The following FBXO8 variants were observed in gnomAD, a reference collection of about 807,000 sequenced individuals.
FBXO8 encodes F-box protein 8.
Under a neutral mutation model 33.4 loss-of-function variants are expected in FBXO8, and 15 were observed. The ratio of observed to expected loss-of-function variants is 0.45; its 90% confidence interval spans 0.30 to 0.69. FBXO8 has a LOEUF of 0.69. Among genes scored for constraint, FBXO8 ranks in the 30% least tolerant of loss-of-function variants. FBXO8 has a pLI of 0.08. For synonymous variants in FBXO8, 132 were observed against 131.5 expected (o/e 1.00, Z -0.02); for missense variants, 274 against 380.3 (o/e 0.72, Z 2.32).
In FBXO8 at chr4:174,251,083, A is replaced by G. The variant is rs1183155067; in HGVS notation, c.456+8616T>C. Among the ~76,000 whole-genome samples the G allele has an allele frequency of 6.6e-6, 1 of 152,210 alleles. No homozygotes were observed. Among genetic ancestry groups the G allele is most frequent in the African/African-American group, 2.4e-5 (1 of 41,454 alleles). ...AGTTACAATTACTTAAATTGCTAAC[A>G]AAAGTAAAATTCAAATAAAAAATTG... On this transcript the variant is annotated intron_variant, in intron 3 of 5. Coordinates refer to ENST00000393674, the MANE Select transcript of FBXO8 (RefSeq NM_012180.3). This position sits in a 1 kb window ranked among gnomAD's most constrained non-coding sequence, Gnocchi z 4.2.
Position 174,279,217 on chromosome 4 carries a change from T to C in FBXO8, c.-9+4193A>G, listed in dbSNP as rs192491690. Among the ~76,000 whole-genome samples, 5 of 152,184 alleles carry C rather than the reference T, an allele frequency of 3.3e-5. No individual in the cohort carries two copies. The East Asian group carries it at 7.7e-4, about 23-fold the overall frequency. On this transcript the variant is annotated intron_variant, in intron 1 of 5. Coordinates refer to ENST00000393674, the MANE Select transcript of FBXO8 (RefSeq NM_012180.3). The stretch of plus-strand genomic sequence containing the variant: ...GACACAGAAATAAGTCGTATTTCTA[T>C]ACATTTACAATAAACAATCTGAAAA...
At position 174,274,476 on chromosome 4, in the gene FBXO8, T is replaced by C. The variant is rs1736908147; in HGVS notation, c.-9+8934A>G. On this transcript the variant is annotated intron_variant, in intron 1 of 5. Transcript: ENST00000393674. The surrounding 1 kb of genome is among the most constrained non-coding windows in gnomAD (Gnocchi z 4.0). ...GATAACTGTGGATTAATTACCTGAG[T>C]AGTCATAATCCTGGTCCTGAATTTC... 6.6e-6 allele frequency among the ~76,000 whole-genome samples: 1 copy of C among 152,218 alleles called. No homozygotes were observed. The highest frequency in any genetic ancestry group is 1.5e-5 in the Non-Finnish European group (1 of 68,034).
At chr4:174,246,066 T>C (rs954088020) in intron 3 of FBXO8, among the ~76,000 whole-genome samples, 2 of 151,976 alleles carry the variant, frequency 1.3e-5, no homozygotes, top group South Asian at 2.1e-4. Context: ...GTTGAAGATA[T>C]AGATTCAGGA....
chr4:174,281,529 A>T lies in FBXO8; in HGVS notation c.-9+1881T>A, dbSNP rs1016997308. On this transcript the variant is annotated intron_variant, in intron 1 of 5. Transcript: ENST00000393674. This position sits in a 1 kb window ranked among gnomAD's most constrained non-coding sequence, Gnocchi z 4.6. ...CTGGGCAGCACAGTCAGACAAAAAA[A>T]TTAAAAGAAATAACCACACGTGATG... 6.6e-6 allele frequency among the ~76,000 whole-genome samples: 1 copy of T among 152,096 alleles called. No homozygotes were observed. The highest frequency in any genetic ancestry group is 2.4e-5 in the African/African-American group (1 of 41,394).
chr4:174,241,012 C>T lies in FBXO8; in HGVS notation c.575+88G>A. On this transcript the variant is annotated intron_variant, in intron 4 of 5. Coordinates refer to ENST00000393674, the MANE Select transcript of FBXO8 (RefSeq NM_012180.3). The surrounding 1 kb of genome is among the most constrained non-coding windows in gnomAD (Gnocchi z 4.2). ...ATTCAATTTTGCAACCAGATGATTA[C>T]TATGCAGTATTAGTTTTAAAGTAAA... 6 of 680,710 alleles carry T rather than the reference C, an allele frequency of 8.8e-6. No individual in the cohort carries two copies. The Admixed American group carries it at 1.7e-4, about 19-fold the overall frequency. The allele number at this position is 680,710 out of a possible 1,614,324, so 42.2% of individuals were successfully genotyped here. A position where few individuals can be genotyped will look rare whatever the true frequency, so the allele number is the denominator to read the frequency against.
At chr4:174,258,126 T>A (rs891271538) in intron 3 of FBXO8, among the ~76,000 whole-genome samples, 1 of 152,252 alleles carries the variant, frequency 6.6e-6, no homozygotes, top group African/African-American at 2.4e-5. Flanking sequence ...AATAATAAAG[T>A]CTCTATAACT....
Position 174,253,999 on chromosome 4 carries a change from G to A in FBXO8, c.456+5700C>T, listed in dbSNP as rs966283768. 1.3e-5 allele frequency among the ~76,000 whole-genome samples: 2 copies of A among 152,128 alleles called. No homozygotes were observed. The highest frequency in any genetic ancestry group is 6.6e-5 in the Admixed American group (1 of 15,258). On this transcript the variant is annotated intron_variant, in intron 3 of 5. Coordinates refer to ENST00000393674, the MANE Select transcript of FBXO8 (RefSeq NM_012180.3). This position sits in a 1 kb window ranked among gnomAD's most constrained non-coding sequence, Gnocchi z 4.5. The stretch of plus-strand genomic sequence containing the variant: ...AAAGTAACTGGGATACCTGCATCCA[G>A]GACTCTTTTGAAGTAAACAAATGTA...
rs1736331092 is a variant in FBXO8, at chr4:174,253,010, A to G, written c.456+6689T>C. 1.3e-5 allele frequency among the ~76,000 whole-genome samples: 2 copies of G among 151,988 alleles called. No individual in the cohort carries two copies. The highest frequency in any genetic ancestry group is 2.1e-4 in the South Asian group (1 of 4,824). On this transcript the variant is annotated intron_variant, in intron 3 of 5. Coordinates refer to ENST00000393674, the MANE Select transcript of FBXO8 (RefSeq NM_012180.3). This position sits in a 1 kb window ranked among gnomAD's most constrained non-coding sequence, Gnocchi z 4.5. ...ATCTAAAAAATCTTTCTCTATACACATATTTTCCAACCTCATGAGTCAAGA... is the reference window on the plus strand; with the variant it reads ...ATCTAAAAAATCTTTCTCTATACACGTATTTTCCAACCTCATGAGTCAAGA...
intron 4 of FBXO8, among the ~76,000 whole-genome samples, chr4:174,240,152 GAAGA>G (rs1477356511): frequency 7.1e-6 from 1 of 141,522 alleles, no homozygotes; most frequent in African/African-American, 2.6e-5. Flanking sequence ...AAAAAAAAAA[GAAGA>G]AAGAAAGAAA....
In FBXO8 at chr4:174,237,248, G is replaced by C. The variant is rs948828600; in HGVS notation, c.*164C>G. The C allele has an allele frequency of 3.6e-6, 2 of 561,356 alleles. No individual in the cohort carries two copies. The highest frequency in any genetic ancestry group is 6.0e-6 in the Non-Finnish European group (2 of 335,188). The allele number at this position is 561,356 out of a possible 1,614,324, so 34.8% of individuals were successfully genotyped here. ...CTGCAAAATTATTTAGTTCCCCAAG[G>C]AAATTACTAAAATAGAAAATGGCAA... is the stretch of plus-strand genomic sequence containing the variant. On this transcript the variant is annotated 3_prime_UTR_variant, in exon 6 of 6. Transcript: ENST00000393674. The surrounding 1 kb of genome is among the most constrained non-coding windows in gnomAD (Gnocchi z 4.4).
rs937088718 is a variant in FBXO8, at chr4:174,265,264, T to C, written c.-8-2164A>G. 9.2e-6 allele frequency among the ~76,000 whole-genome samples: 1 copy of C among 108,186 alleles called. No individual in the cohort carries two copies. The highest frequency in any genetic ancestry group is 3.4e-5 in the African/African-American group (1 of 29,554). The allele number at this position is 108,186 out of a possible 152,430, so 71.0% of individuals were successfully genotyped here. ...AAAGCTTTTTATTTAGGTATTTACC[T>C]AATTAAAAGCTTTTTATTTAGGTAT... On this transcript the variant is annotated intron_variant, in intron 1 of 5. Coordinates refer to ENST00000393674, the MANE Select transcript of FBXO8 (RefSeq NM_012180.3). This position sits in a 1 kb window ranked among gnomAD's most constrained non-coding sequence, Gnocchi z 4.7.
intron 3 of FBXO8, among the ~76,000 whole-genome samples, chr4:174,246,044 T>C (rs1344083639): frequency 6.6e-6 from 1 of 151,898 alleles, no homozygotes; most frequent in African/African-American, 2.4e-5. Context: ...AGGATATATT[T>C]TAAAAGTGAG....
chr4:174,238,790 C>T (rs1342552365), intron 5 of FBXO8, among the ~76,000 whole-genome samples: 2 of 150,622 alleles, frequency 1.3e-5, no homozygotes, highest in Non-Finnish European at 1.5e-5. Flanking sequence ...CACACACACA[C>T]ACACGCACAC....
At position 174,247,080 on chromosome 4, in the gene FBXO8, A is replaced by G. The variant is rs1322889997; in HGVS notation, c.457-5862T>C. ...AAAATCTACCATACATATGTTCAGA[A>G]TCAGTAAATATATATTTGGGAACAG... On this transcript the variant is annotated intron_variant, in intron 3 of 5. Coordinates refer to ENST00000393674, the MANE Select transcript of FBXO8 (RefSeq NM_012180.3). This position sits in a 1 kb window ranked among gnomAD's most constrained non-coding sequence, Gnocchi z 4.6. Among the ~76,000 whole-genome samples, 1 of 152,062 alleles carries G rather than the reference A, an allele frequency of 6.6e-6. No homozygotes were observed. The highest frequency in any genetic ancestry group is 2.4e-5 in the African/African-American group (1 of 41,426).
chr4:174,247,634 T>A lies in FBXO8; in HGVS notation c.457-6416A>T, dbSNP rs190815755. On this transcript the variant is annotated intron_variant, in intron 3 of 5. Coordinates refer to ENST00000393674, the MANE Select transcript of FBXO8 (RefSeq NM_012180.3). The surrounding 1 kb of genome is among the most constrained non-coding windows in gnomAD (Gnocchi z 4.6). ...TTTAACCACAGTGAAACTAACTGAATATATTATTTTTCAAGTATACATTTG... is the reference window on the plus strand; with the variant it reads ...TTTAACCACAGTGAAACTAACTGAAAATATTATTTTTCAAGTATACATTTG... 3.3e-5 allele frequency among the ~76,000 whole-genome samples: 5 copies of A among 152,092 alleles called. No homozygotes were observed. The highest frequency in any genetic ancestry group is 1.2e-4 in the African/African-American group (5 of 41,438).
rs1490492970 is a variant in FBXO8 at position 174,237,420 on chromosome 4, C to G, written c.952G>C (p.Ala318Pro). The G allele has an allele frequency of 6.2e-7, 1 of 1,610,686 alleles. No individual in the cohort carries two copies. The highest frequency in any genetic ancestry group is 8.5e-7 in the Non-Finnish European group (1 of 1,177,696). ...YDNIYLIGHVAA is the reference protein window; with the variant it reads ...YDNIYLIGHVPA Reference sequence around the variant, plus strand: ...CCTAGCAATTGTGCTTTTTATGCAGCCACATGGCCAATAAGGTAGATATTG... The same window carrying G: ...CCTAGCAATTGTGCTTTTTATGCAGGCACATGGCCAATAAGGTAGATATTG... The change falls in exon 6 of 6, where the codon GCT becomes CCT. Residue 318 changes from alanine to proline, a missense_variant. Physicochemically the swap from Ala to Pro is conservative, Grantham distance 27. Transcript: ENST00000393674. This position sits in a 1 kb window ranked among gnomAD's most constrained non-coding sequence, Gnocchi z 4.4.
In FBXO8 at chr4:174,274,888, G is replaced by T. The variant is rs1560875985; in HGVS notation, c.-9+8522C>A. ...ATAGAAGGAAATCTTTGGGGTCTAA[G>T]GCTAGGCCAAGAATTCCCAGACTTA... is the stretch of plus-strand genomic sequence containing the variant. On this transcript the variant is annotated intron_variant, in intron 1 of 5. Transcript: ENST00000393674. The surrounding 1 kb of genome is among the most constrained non-coding windows in gnomAD (Gnocchi z 4.0). Among the ~76,000 whole-genome samples the T allele has an allele frequency of 6.6e-6, 1 of 152,100 alleles. No individual in the cohort carries two copies. Among genetic ancestry groups the T allele is most frequent in the Non-Finnish European group, 1.5e-5 (1 of 68,030 alleles).
chr4:174,255,709 T>C lies in FBXO8; in HGVS notation c.456+3990A>G, dbSNP rs1011256787. 3.9e-5 allele frequency among the ~76,000 whole-genome samples: 6 copies of C among 152,110 alleles called. No individual in the cohort carries two copies. The highest frequency in any genetic ancestry group is 7.4e-5 in the Non-Finnish European group (5 of 68,012). On this transcript the variant is annotated intron_variant, in intron 3 of 5. Transcript: ENST00000393674. This position sits in a 1 kb window ranked among gnomAD's most constrained non-coding sequence, Gnocchi z 4.3. ...AAAGTTAAACCATGTTCACTACCAATTTTTCAGATCCTAAATTTAAAAATA... is the reference window on the plus strand; with the variant it reads ...AAAGTTAAACCATGTTCACTACCAACTTTTCAGATCCTAAATTTAAAAATA...
In FBXO8 at chr4:174,263,244, T is replaced by C. The variant is rs1579031317; in HGVS notation, c.-8-144A>G. ...CCTACTAAAACCAGAAGTATATTAC[T>C]AAGAATAGCTGGAAAATTATAAGTG... On this transcript the variant is annotated intron_variant, in intron 1 of 5. Coordinates refer to ENST00000393674, the MANE Select transcript of FBXO8 (RefSeq NM_012180.3). The surrounding 1 kb of genome is among the most constrained non-coding windows in gnomAD (Gnocchi z 4.2). 1 of 741,848 alleles carries C rather than the reference T, an allele frequency of 1.3e-6. No individual in the cohort carries two copies. The highest frequency in any genetic ancestry group is 2.0e-5 in the South Asian group (1 of 48,798). 46.0% of individuals were successfully genotyped at this position (741,848 alleles called of 1,614,324 possible).
Sources: allele counts gnomAD v4.1 joint callset (sites outside exome capture counted in the v4.1 genomes callset), GRCh38; gene constraint gnomAD v4.1.1; non-coding constraint Gnocchi (gnomAD v3.1); transcripts MANE v1.5; gene names NCBI Gene and HGNC (gene_info 2026-07-23, HGNC 2026-07-21).